DOCK3: variants seen among roughly 807,000 people sequenced by gnomAD.
DOCK3 encodes the protein dedicator of cytokinesis 3, also known as dedicator of cytokinesis protein 3.
DOCK3 carries 60 observed loss-of-function variants against 265.6 expected under a neutral mutation model. The observed-to-expected ratio is 0.23, with a 90% CI of 0.18 to 0.28. The LOEUF (loss-of-function observed/expected upper bound fraction) is 0.28, where lower values mean the gene tolerates loss of function less well. DOCK3 is among the 10% of genes least tolerant of loss of function. The probability of loss-of-function intolerance (pLI) is 1.00; values close to 1 mark genes in which losing one functional copy is unlikely to be tolerated. For missense variants in DOCK3, 1,981 were observed against 2,594.3 expected, an observed-to-expected ratio of 0.76 and a Z score of 5.14; for synonymous variants, 881 against 938.0, an observed-to-expected ratio of 0.94 and a Z score of 1.11.
At chr3:51,304,309 G>A (rs1008629950) in intron 27 of DOCK3, among the ~76,000 whole-genome samples, 9 of 151,790 alleles carry the variant, frequency 5.9e-5, no homozygotes, top group African/African-American at 2.2e-4. Context: ...CTCTCCCAGT[G>A]AGCTAATCAT....
intron 32 of DOCK3, among the ~76,000 whole-genome samples, chr3:51,327,634 A>G (rs2084222195): frequency 6.8e-6 from 1 of 147,424 alleles, no homozygotes; most frequent in Non-Finnish European, 1.5e-5. Flanking sequence ...TGAGCTCTGT[A>G]GGGGTGATTA....
rs529293600 is a variant in DOCK3, at chr3:51,294,778, G to A, written c.2922+14574G>A. On this transcript the variant is annotated intron_variant, in intron 27 of 52. Transcript: ENST00000266037. ...GGGTGGGGGCAGTAGATAGAGAAAG[G>A]GGAGACATTGGTCAGTGGGTGCAAA... 5.9e-5 allele frequency among the ~76,000 whole-genome samples: 9 copies of A among 151,850 alleles called. No individual in the cohort carries two copies. In the South Asian group the frequency reaches 1.9e-3, roughly 31 times the overall value.
At position 51,374,533 on chromosome 3, in the gene DOCK3, C is replaced by T. The variant is rs1460760435; in HGVS notation, c.5358C>T (p.Tyr1786=). The T allele has an allele frequency of 6.2e-7, 1 of 1,613,792 alleles. No individual in the cohort carries two copies. The highest frequency in any genetic ancestry group is 1.7e-5 in the Admixed American group (1 of 60,002). ...AAATGATGTTGTTGCTGCCCACATA[C>T]CGGGACCGCCCAAGCAGTGCCATGT... ...AREMMLLLPT[Y]RDRPSSAMYP... is the part of the protein sequence containing the mutation. Residue 1786 remains tyrosine (Y), a synonymous_variant, in exon 50 of 53, where the codon TAC becomes TAT. Coordinates refer to ENST00000266037, the MANE Select transcript of DOCK3 (RefSeq NM_004947.5). The surrounding 1 kb of genome is among the most constrained non-coding windows in gnomAD (Gnocchi z 4.8).
At chr3:50,784,452 C>A (rs759971995) in intron 2 of DOCK3, among the ~76,000 whole-genome samples, 34 of 152,124 alleles carry the variant, frequency 2.2e-4, no homozygotes, top group Non-Finnish European at 4.7e-4. Context: ...GTGATGCTTG[C>A]AGATTTGTTC....
intron 2 of DOCK3, among the ~76,000 whole-genome samples, chr3:50,797,210 C>A (rs2042838149): frequency 6.6e-6 from 1 of 152,166 alleles, no homozygotes; most frequent in Admixed American, 6.5e-5. Flanking sequence ...AGGTTGGGGG[C>A]TTCTGCTGGT....
At chr3:51,245,091 G>A (rs1310812249) in intron 21 of DOCK3, among the ~76,000 whole-genome samples, 1 of 152,208 alleles carries the variant, frequency 6.6e-6, no homozygotes, top group Non-Finnish European at 1.5e-5. Flanking sequence ...CACTTTGGGA[G>A]GCTGAGGCGG....
intron 3 of DOCK3, among the ~76,000 whole-genome samples, chr3:50,854,756 A>G (rs191496586): frequency 9.9e-5 from 15 of 151,656 alleles, no homozygotes; most frequent in East Asian, 5.8e-4. Flanking sequence ...TAGGATTGCT[A>G]TAGTTTCAGG....
chr3:50,959,684 A>G lies in DOCK3; in HGVS notation c.315+25607A>G, dbSNP rs558951708. Among the ~76,000 whole-genome samples the G allele has an allele frequency of 4.2e-3, 632 of 152,110 alleles. 1 individual carries two copies. The highest frequency in any genetic ancestry group is 6.6e-3 in the Non-Finnish European group (452 of 67,986). On this transcript the variant is annotated intron_variant, in intron 5 of 52. Transcript: ENST00000266037. ...AAGCTCCACCTCCTGGGTTCACGCC[A>G]TTCTCCTGCCTCAGCCTCCAGAGTA...
At chr3:51,150,396 T>C (rs1475071506) in intron 10 of DOCK3, among the ~76,000 whole-genome samples, 2 of 152,228 alleles carry the variant, frequency 1.3e-5, no homozygotes, top group Non-Finnish European at 2.9e-5. Flanking sequence ...ATGTGTTTGC[T>C]CTTGCTTCTC....
chr3:51,323,820 G>T (rs544039784), intron 32 of DOCK3, among the ~76,000 whole-genome samples: 3 of 152,154 alleles, frequency 2.0e-5, no homozygotes, highest in African/African-American at 7.2e-5. Flanking sequence ...CAGAAGACAA[G>T]AAATAACTAA....
At chr3:51,097,048 T>G (rs1012261151) in intron 9 of DOCK3, among the ~76,000 whole-genome samples, 1 of 152,212 alleles carries the variant, frequency 6.6e-6, no homozygotes, top group South Asian at 2.1e-4. Context: ...TGTCGACCCC[T>G]GCTGGGAGGT....
chr3:50,902,410 C>G (rs1267163512), intron 4 of DOCK3, among the ~76,000 whole-genome samples: 1 of 152,074 alleles, frequency 6.6e-6, no homozygotes. Flanking sequence ...CTAGCCGGTT[C>G]TCCCAGCACC....
At chr3:51,355,774 G>C (rs1266993903) in intron 41 of DOCK3, among the ~76,000 whole-genome samples, 2 of 152,152 alleles carry the variant, frequency 1.3e-5, no homozygotes, top group Non-Finnish European at 2.9e-5. Flanking sequence ...ACTCCCATGG[G>C]GTGGATGCCT....
At chr3:51,131,228 C>T (rs2084518262) in intron 9 of DOCK3, among the ~76,000 whole-genome samples, 1 of 152,168 alleles carries the variant, frequency 6.6e-6, no homozygotes, top group African/African-American at 2.4e-5. Flanking sequence ...TGAGCTAAAA[C>T]TCCATTAATT....
chr3:51,157,525 CAT>C (rs2085911030), intron 10 of DOCK3, among the ~76,000 whole-genome samples: 2 of 152,210 alleles, frequency 1.3e-5, no homozygotes, highest in Admixed American at 1.3e-4. Flanking sequence ...GGATTACAGA[CAT>C]ATGCCGCCAT....
intron 12 of DOCK3, among the ~76,000 whole-genome samples, chr3:51,182,593 T>G (rs2087364749): frequency 6.6e-6 from 1 of 152,182 alleles, no homozygotes; most frequent in African/African-American, 2.4e-5. Flanking sequence ...GGAAGTAGTA[T>G]TCTTTGAAAC....
At chr3:51,228,934 T>G in intron 18 of DOCK3, 102 bp downstream of exon 18, 1 of 1,371,494 alleles carries the variant, frequency 7.3e-7, no homozygotes, top group Non-Finnish European at 9.8e-7. Context: ...TCCTTCTTGA[T>G]GCCATAATAA....
At chr3:51,237,362 C>T (rs2078391737) in intron 20 of DOCK3, 128 bp from the exon 21 acceptor site, 1 of 728,570 alleles carries the variant, frequency 1.4e-6, no homozygotes, top group Non-Finnish European at 2.3e-6. Context: ...CATTCACTAC[C>T]CATGGGGAAT....
intron 6 of DOCK3, among the ~76,000 whole-genome samples, chr3:51,069,495 T>C (rs2081759103): frequency 7.4e-6 from 1 of 135,460 alleles, no homozygotes; most frequent in Non-Finnish European, 1.6e-5. Context: ...AATATTTTAT[T>C]CTTAGAATAA....
Sources: allele counts gnomAD v4.1 joint callset (sites outside exome capture counted in the v4.1 genomes callset), GRCh38; gene constraint gnomAD v4.1.1; non-coding constraint Gnocchi (gnomAD v3.1); transcripts MANE v1.5; gene names NCBI Gene and HGNC (gene_info 2026-07-23, HGNC 2026-07-21).